The following PRUNE2 variants were observed in gnomAD, a reference collection of about 807,000 sequenced individuals.
The protein encoded by PRUNE2 is protein prune homolog 2.
PRUNE2 carries 164 observed loss-of-function variants against 252.0 expected under a neutral mutation model. That is an observed-to-expected ratio of 0.65 (90% CI 0.57 to 0.74). The LOEUF (loss-of-function observed/expected upper bound fraction) is 0.74, where lower values mean the gene tolerates loss of function less well. PRUNE2 is among the 30% of genes least tolerant of loss of function. The probability of loss-of-function intolerance (pLI) is 0.00; values close to 1 mark genes in which losing one functional copy is unlikely to be tolerated. For synonymous variants in PRUNE2, 1,292 were observed against 1,350.2 expected (o/e 0.96, Z 0.94); for missense variants, 3,495 against 3,711.0 (o/e 0.94, Z 1.51).
chr9:76,902,809 C>G (rs1380294693), intron 1 of PRUNE2, among the ~76,000 whole-genome samples: 1 of 152,148 alleles, frequency 6.6e-6, no homozygotes, highest in Non-Finnish European at 1.5e-5. Flanking sequence ...AGGAGGGATG[C>G]CTCTGAGGCC....
At chr9:76,719,996 G>C (rs1307779488) in intron 6 of PRUNE2, among the ~76,000 whole-genome samples, 1 of 152,104 alleles carries the variant, frequency 6.6e-6, no homozygotes, top group Non-Finnish European at 1.5e-5. Context: ...AAGATTTGTG[G>C]ACAAAGCTGT....
At chr9:76,732,138 C>T (rs569090925) in intron 6 of PRUNE2, among the ~76,000 whole-genome samples, 79 of 152,188 alleles carry the variant, frequency 5.2e-4, no homozygotes, top group Non-Finnish European at 9.1e-4. Flanking sequence ...CATGGTGAAA[C>T]CCTGTCTCTA....
chr9:76,812,466 G>A (rs1027329974), intron 6 of PRUNE2, among the ~76,000 whole-genome samples: 2 of 151,918 alleles, frequency 1.3e-5, no homozygotes, highest in Non-Finnish European at 2.9e-5. Flanking sequence ...AGAAATCAAG[G>A]TTCTACTTTC....
At chr9:76,879,316 C>T (rs1457823021) in intron 1 of PRUNE2, among the ~76,000 whole-genome samples, 2 of 152,114 alleles carry the variant, frequency 1.3e-5, no homozygotes, top group African/African-American at 4.8e-5. Context: ...ATGTTGGGGC[C>T]ATCTGCACAC....
chr9:76,826,450 G>C (rs925256721), intron 5 of PRUNE2, 130 bp downstream of exon 5: 3 of 661,124 alleles, frequency 4.5e-6, no homozygotes, highest in South Asian at 2.9e-5. Flanking sequence ...TCCAGCCTGG[G>C]GGATAGAGTG....
At position 76,708,483 on chromosome 9, in the gene PRUNE2, G is replaced by A. The variant is rs977942830; in HGVS notation, c.3791C>T (p.Ser1264Phe). 29 of 1,613,832 alleles carry A rather than the reference G, an allele frequency of 1.8e-5. No individual in the cohort carries two copies. Among genetic ancestry groups the A allele is most frequent in the Non-Finnish European group, 2.5e-5 (29 of 1,179,884 alleles). ...TCCAGAGGCTGCTGGCGCATCTGGG[G>A]AATGAGTGTCTTTAACATTTGCTGA... ...SHSANVKDTH[S>F]PDAPAASGTS... Residue 1264 changes from serine to phenylalanine, a missense_variant, in exon 8 of 19, where the codon TCC (serine) becomes TTC (phenylalanine). Physicochemically the swap from Ser to Phe is radical, Grantham distance 155. Transcript: ENST00000376718.
At position 76,652,694 on chromosome 9, in the gene PRUNE2, AAG is replaced by A. The variant is rs761405887; in HGVS notation, c.8357-13_8357-12del. ...GAGAATTAGGAGGTTCTAAAGAAGA[AAG>A]AGAACAGCAACATCAAGTATTAAAC... On this transcript the variant is annotated splice_polypyrimidine_tract_variant and intron_variant, in intron 10 of 18. Coordinates refer to ENST00000376718, the MANE Select transcript of PRUNE2 (RefSeq NM_015225.3). 1.3e-6 allele frequency: 2 copies of A among 1,573,688 alleles called. No homozygotes were observed. The highest frequency in any genetic ancestry group is 4.5e-5 in the East Asian group (2 of 44,490).
chr9:76,883,432 G>A (rs2061908212), intron 1 of PRUNE2, among the ~76,000 whole-genome samples: 1 of 152,146 alleles, frequency 6.6e-6, no homozygotes, highest in Admixed American at 6.5e-5. Context: ...CTGCAGCTTT[G>A]GATACCAAAC....
At chr9:76,621,685 T>TC (rs1832387693) in intron 17 of PRUNE2, among the ~76,000 whole-genome samples, 1 of 148,968 alleles carries the variant, frequency 6.7e-6, no homozygotes, top group Admixed American at 6.7e-5. Flanking sequence ...AAATGCAGAC[T>TC]TTTTTTTTTC....
intron 4 of PRUNE2, among the ~76,000 whole-genome samples, chr9:76,838,504 G>A (rs770180805): frequency 2.0e-5 from 3 of 151,948 alleles, no homozygotes; most frequent in African/African-American, 7.3e-5. Flanking sequence ...AATTAGTGGG[G>A]CATGGTGGCA....
chr9:76,719,049 C>A (rs1248407251), intron 6 of PRUNE2, among the ~76,000 whole-genome samples: 1 of 152,200 alleles, frequency 6.6e-6, no homozygotes. Context: ...CTTGCCAGAA[C>A]TTTAGCAGCA....
At chr9:76,658,468 C>T (rs577859674) in intron 9 of PRUNE2, among the ~76,000 whole-genome samples, 39 of 152,360 alleles carry the variant, frequency 2.6e-4, no homozygotes, top group African/African-American at 8.7e-4. Context: ...CCAAGTCACG[C>T]TCTTTGTAAA....
chr9:76,771,791 A>AG (rs2053139168), intron 6 of PRUNE2, among the ~76,000 whole-genome samples: 1 of 152,166 alleles, frequency 6.6e-6, no homozygotes, highest in African/African-American at 2.4e-5. Flanking sequence ...TCCCAGAGGG[A>AG]GAGGCCACTA....
rs1409932763 is a variant in PRUNE2, at chr9:76,705,628, G to A, written c.6646C>T (p.Pro2216Ser). 1 of 1,613,828 alleles carries A rather than the reference G, an allele frequency of 6.2e-7. No homozygotes were observed. Among genetic ancestry groups the A allele is most frequent in the African/African-American group, 1.3e-5 (1 of 74,906 alleles). ...SEKGASPDMAPILEPVDRRIP... is the reference protein window; with the variant it reads ...SEKGASPDMASILEPVDRRIP... ...CTTCTGTCAACTGGTTCCAAAATTG[G>A]TGCCATATCTGGGCTGGCTCCTTTT... is the stretch of plus-strand genomic sequence containing the variant. The change falls in exon 8 of 19, where the codon CCA becomes TCA. Residue 2216 changes from proline to serine, a missense_variant. Pro to Ser is a moderately conservative substitution (Grantham distance 74). Coordinates refer to ENST00000376718, the MANE Select transcript of PRUNE2 (RefSeq NM_015225.3).
chr9:76,786,519 C>T (rs771505471), intron 6 of PRUNE2: 6 of 152,312 alleles, frequency 3.9e-5, no homozygotes, highest in Admixed American at 3.9e-4. Flanking sequence ...ATCTCTGGCT[C>T]TCCTCTTGAC....
chr9:76,846,633 C>T lies in PRUNE2; in HGVS notation c.390G>A (p.Pro130=), dbSNP rs763106333. The T allele has an allele frequency of 3.0e-5, 49 of 1,614,042 alleles. No individual in the cohort carries two copies. The South Asian group carries it at 3.5e-4, about 12-fold the overall frequency. Residue 130 remains proline (P), a synonymous_variant, in exon 4 of 19, where the codon CCG becomes CCA. Coordinates refer to ENST00000376718, the MANE Select transcript of PRUNE2 (RefSeq NM_015225.3). ...LESAVVKVIN[P]VEQSDANVEF... The stretch of plus-strand genomic sequence containing the variant: ...CAACGTTGGCATCGCTCTGCTCAAC[C>T]GGATTAATGACTTTGACAACTGCTG...
chr9:76,741,945 A>G (rs1176605100), intron 6 of PRUNE2, among the ~76,000 whole-genome samples: 1 of 152,232 alleles, frequency 6.6e-6, no homozygotes, highest in Non-Finnish European at 1.5e-5. Context: ...GGTGTTTCAA[A>G]TTCACCAATC....
At chr9:76,748,665 G>A (rs555122087) in intron 6 of PRUNE2, 2 of 152,348 alleles carry the variant, frequency 1.3e-5, no homozygotes, top group East Asian at 1.9e-4. Context: ...ACTTGCAGAA[G>A]CAATTTGACT....
chr9:76,621,005 AG>A (rs1478552504), intron 17 of PRUNE2, among the ~76,000 whole-genome samples: 1 of 152,214 alleles, frequency 6.6e-6, no homozygotes, highest in East Asian at 1.9e-4. Flanking sequence ...AAGATAAGGC[AG>A]GCTGAGGAAA....
Sources: allele counts gnomAD v4.1 joint callset (sites outside exome capture counted in the v4.1 genomes callset), GRCh38; gene constraint gnomAD v4.1.1; transcripts MANE v1.5; gene names NCBI Gene and HGNC (gene_info 2026-07-23, HGNC 2026-07-21).